Variants in RIMS1 observed in about 807,000 individuals in gnomAD.
The protein encoded by RIMS1 is regulating synaptic membrane exocytosis 1.
A neutral mutation model predicts 214.1 loss-of-function variants in RIMS1; 83 were observed. The ratio of observed to expected loss-of-function variants is 0.39; its 90% CI spans 0.32 to 0.47. RIMS1 has a LOEUF of 0.47. RIMS1 is among the 20% of genes least tolerant of loss of function. RIMS1 has a pLI of 0.99. For synonymous variants in RIMS1, 793 were observed against 786.8 expected (o/e 1.01, Z -0.13); for missense variants, 2,050 against 2,161.8 (o/e 0.95, Z 1.03).
intron 2 of RIMS1, among the ~76,000 whole-genome samples, chr6:71,985,123 C>G (rs1799562130): frequency 6.6e-6 from 1 of 152,158 alleles, no homozygotes. Context: ...ATGGCTCATG[C>G]TCGTAATCCC....
rs1340522080 is a variant in RIMS1 at position 72,262,444 on chromosome 6, T to C, written c.3116+1677T>C. 6 of 985,032 alleles carry C rather than the reference T, an allele frequency of 6.1e-6. No homozygotes were observed. In the African/African-American group the frequency reaches 8.7e-5, roughly 14 times the overall value. 61.0% of individuals were successfully genotyped at this position (985,032 alleles called of 1,614,324 possible). On this transcript the variant is annotated intron_variant, in intron 19 of 33. Transcript: ENST00000521978. ...ATCCTGTGGACAGGTACTACGACAA[T>C]AAGATAGGGAGTGGAAGGAAGCTGA...
At chr6:72,014,439 A>C (rs1812000697) in intron 2 of RIMS1, among the ~76,000 whole-genome samples, 1 of 152,194 alleles carries the variant, frequency 6.6e-6, no homozygotes, top group South Asian at 2.1e-4. Context: ...ATATATAAAT[A>C]TTTCATTCTT....
chr6:72,238,130 C>T (rs2065063531), intron 9 of RIMS1, among the ~76,000 whole-genome samples: 1 of 151,922 alleles, frequency 6.6e-6, no homozygotes, highest in Non-Finnish European at 1.5e-5. Flanking sequence ...AGTAACTCTA[C>T]ATCAGCAGCA....
chr6:71,934,683 G>C (rs1339363704), intron 1 of RIMS1, among the ~76,000 whole-genome samples: 1 of 152,112 alleles, frequency 6.6e-6, no homozygotes, highest in Non-Finnish European at 1.5e-5. Flanking sequence ...TATTAGTGCT[G>C]GCTAATTGAA....
chr6:72,172,679 C>A (rs116263353), intron 4 of RIMS1, among the ~76,000 whole-genome samples: 3,167 of 152,270 alleles, frequency 0.021, 108 homozygotes, highest in African/African-American at 0.073. Context: ...GACCACTGTC[C>A]TACTTGATGG....
chr6:72,292,157 T>C, intron 26 of RIMS1, 111 bp downstream of exon 26: 2 of 695,324 alleles, frequency 2.9e-6, no homozygotes, highest in South Asian at 5.0e-5. Context: ...GTTTGCTGCA[T>C]CCTAAAAATT....
At chr6:71,949,379 A>G (rs1171953620) in intron 1 of RIMS1, among the ~76,000 whole-genome samples, 1 of 152,212 alleles carries the variant, frequency 6.6e-6, no homozygotes, top group African/African-American at 2.4e-5. Flanking sequence ...AGAGAGAACA[A>G]CTGCTCTATT....
At chr6:72,040,493 A>G (rs139236485) in intron 2 of RIMS1, among the ~76,000 whole-genome samples, 1 of 152,028 alleles carries the variant, frequency 6.6e-6, no homozygotes, top group Admixed American at 6.6e-5. Context: ...GCCTGAAGTC[A>G]AGTTAGACAA....
chr6:71,971,984 G>A (rs935693193), intron 2 of RIMS1, among the ~76,000 whole-genome samples: 1 of 152,102 alleles, frequency 6.6e-6, no homozygotes. Context: ...CTAACAAGAG[G>A]TTGGCTCTGT....
chr6:72,309,188 T>A (rs1352924860), intron 27 of RIMS1, among the ~76,000 whole-genome samples: 2 of 152,172 alleles, frequency 1.3e-5, no homozygotes, highest in African/African-American at 4.8e-5. Flanking sequence ...GGGATTCTGA[T>A]CATTAATTAG....
chr6:71,989,873 C>T (rs745913511), intron 2 of RIMS1, among the ~76,000 whole-genome samples: 2 of 152,254 alleles, frequency 1.3e-5, no homozygotes, highest in East Asian at 3.9e-4. Flanking sequence ...CTCCTCCAAC[C>T]CCACCTCAGG....
At chr6:72,121,571 C>A (rs1290444858) in intron 4 of RIMS1, among the ~76,000 whole-genome samples, 1 of 151,904 alleles carries the variant, frequency 6.6e-6, no homozygotes, top group African/African-American at 2.4e-5. Flanking sequence ...ATGGGGTTTT[C>A]TGAGTACACA....
chr6:72,161,744 T>C (rs2045447836), intron 4 of RIMS1, among the ~76,000 whole-genome samples: 1 of 140,988 alleles, frequency 7.1e-6, no homozygotes, highest in Admixed American at 7.3e-5. Context: ...TGCACTGTGG[T>C]CTGAGAGACA....
intron 22 of RIMS1, among the ~76,000 whole-genome samples, chr6:72,271,448 G>A (rs2083342271): frequency 6.6e-6 from 1 of 151,506 alleles, no homozygotes; most frequent in Non-Finnish European, 1.5e-5. Context: ...GGTTTCTAAT[G>A]TTGTAATACC....
At chr6:72,376,194 G>A (rs147518162) in intron 29 of RIMS1, among the ~76,000 whole-genome samples, 7 of 152,204 alleles carry the variant, frequency 4.6e-5, no homozygotes, top group Admixed American at 2.0e-4. Flanking sequence ...TGTGAGGATC[G>A]TAAACCAGTC....
intron 2 of RIMS1, among the ~76,000 whole-genome samples, chr6:71,999,027 G>A (rs896739205): frequency 6.6e-6 from 1 of 151,988 alleles, no homozygotes; most frequent in Non-Finnish European, 1.5e-5. Context: ...TGCAATTCAA[G>A]TTAGGATATT....
At chr6:72,300,891 GT>G (rs2094540674) in intron 26 of RIMS1, among the ~76,000 whole-genome samples, 1 of 151,672 alleles carries the variant, frequency 6.6e-6, no homozygotes, top group Admixed American at 6.6e-5. Flanking sequence ...TGGTCTTGTG[GT>G]TTTGGCTGCA....
At chr6:72,013,834 C>A (rs1001427017) in intron 2 of RIMS1, among the ~76,000 whole-genome samples, 5 of 152,138 alleles carry the variant, frequency 3.3e-5, no homozygotes, top group African/African-American at 1.2e-4. Flanking sequence ...AATTGCAGTA[C>A]ATTTTCATCA....
At chr6:71,987,934 G>T (rs1365049042) in intron 2 of RIMS1, among the ~76,000 whole-genome samples, 1 of 152,090 alleles carries the variant, frequency 6.6e-6, no homozygotes, top group Non-Finnish European at 1.5e-5. Context: ...GAAGGCATTT[G>T]CATTTGAACA....
Sources: gnomAD v4.1 joint callset for allele counts (sites outside exome capture counted in the v4.1 genomes callset) on GRCh38, gnomAD v4.1.1 for gene constraint, MANE v1.5 for transcripts, NCBI Gene and HGNC (gene_info 2026-07-23, HGNC 2026-07-21) for gene names.